PBRM1: variants seen among roughly 807,000 people sequenced by gnomAD.
The protein encoded by PBRM1 is polybromo 1, also known as protein polybromo-1.
Under a neutral mutation model 194.5 loss-of-function variants are expected in PBRM1, and 27 were observed. The observed-to-expected ratio is 0.14, with a 90% CI of 0.10 to 0.19. The LOEUF is 0.19. PBRM1 is among the 10% of genes least tolerant of loss of function. The pLI, the probability that PBRM1 is intolerant of heterozygous loss-of-function variation, is 1.00. For missense variants in PBRM1, 1,466 were observed against 2,077.2 expected (o/e 0.71, Z 5.72); for synonymous variants, 655 against 693.2 (o/e 0.94, Z 0.87).
At chr3:52,657,147 A>AG (rs996881143) in intron 5 of PBRM1, among the ~76,000 whole-genome samples, 1 of 152,162 alleles carries the variant, frequency 6.6e-6, no homozygotes, top group African/African-American at 2.4e-5. Flanking sequence ...CTGGGAGAAG[A>AG]GGGGAGTGGA....
intron 22 of PBRM1, among the ~76,000 whole-genome samples, chr3:52,569,456 C>T (rs191239771): frequency 2.0e-4 from 30 of 152,246 alleles, no homozygotes; most frequent in Admixed American, 1.8e-3. Context: ...GTGATCCGCC[C>T]GCCTTGGCTT....
chr3:52,592,771 G>T (rs930669750), intron 17 of PBRM1, among the ~76,000 whole-genome samples: 1 of 152,158 alleles, frequency 6.6e-6, no homozygotes, highest in Non-Finnish European at 1.5e-5. Context: ...ATTTGGCTGT[G>T]AATTCACCTG....
intron 4 of PBRM1, among the ~76,000 whole-genome samples, chr3:52,660,284 T>C (rs1461444377): frequency 6.6e-6 from 1 of 152,202 alleles, no homozygotes; most frequent in East Asian, 1.9e-4. Flanking sequence ...GAAGAAAGCA[T>C]GGGCTGCTTC....
chr3:52,581,611 C>T (rs554019187), intron 20 of PBRM1, among the ~76,000 whole-genome samples: 34 of 151,116 alleles, frequency 2.2e-4, no homozygotes, highest in Non-Finnish European at 4.1e-4. Flanking sequence ...AATACCTTTT[C>T]CTTTAAGGAA....
At chr3:52,674,547 C>T (rs1038121117) in intron 2 of PBRM1, among the ~76,000 whole-genome samples, 3 of 138,994 alleles carry the variant, frequency 2.2e-5, no homozygotes, top group African/African-American at 5.4e-5. Flanking sequence ...CCTAGCACTT[C>T]GGGAGGCCAA....
In PBRM1 at chr3:52,609,927, T is replaced by C; in HGVS notation, c.1953A>G (p.Lys651=). Reference sequence around the variant, plus strand: ...GCTGCATTGGAGTCATGTATTTTGATTTTTTAGGAGAAATGCCACTCTTCC... The same window carrying C: ...GCTGCATTGGAGTCATGTATTTTGACTTTTTAGGAGAAATGCCACTCTTCC... The change falls in exon 16 of 30, where the codon AAA becomes AAG. Residue 651 remains lysine (K), a synonymous_variant. Coordinates refer to ENST00000296302, the Ensembl canonical transcript of PBRM1. This position sits in a 1 kb window ranked among gnomAD's most constrained non-coding sequence, Gnocchi z 4.1. 1 of 1,521,876 alleles carries C rather than the reference T, an allele frequency of 6.6e-7. No individual in the cohort carries two copies. The allele number at this position is 1,521,876 out of a possible 1,614,324, so 94.3% of individuals were successfully genotyped here. A position where few individuals can be genotyped will look rare whatever the true frequency, so the allele number is the denominator to read the frequency against.
At chr3:52,567,103 C>G (rs1289024073) in intron 22 of PBRM1, among the ~76,000 whole-genome samples, 1 of 148,894 alleles carries the variant, frequency 6.7e-6, no homozygotes, top group Non-Finnish European at 1.5e-5. Context: ...ATGATGAATT[C>G]TATGACATAT....
chr3:52,589,043 C>T (rs1344668094), intron 18 of PBRM1, 27 bp downstream of exon 20: 1 of 1,564,660 alleles, frequency 6.4e-7, no homozygotes, highest in South Asian at 1.1e-5. Context: ...TCTCACTAAA[C>T]TGTCCTTTGA....
At chr3:52,576,210 T>C (rs369187284) in intron 22 of PBRM1, among the ~76,000 whole-genome samples, 2 of 151,886 alleles carry the variant, frequency 1.3e-5, no homozygotes, top group African/African-American at 4.8e-5. Flanking sequence ...ATGAAAGACA[T>C]GAACAAAAAA....
chr3:52,561,678 G>T, intron 25 of PBRM1, 89 bp downstream of exon 27: 1 of 1,130,490 alleles, frequency 8.8e-7, no homozygotes, highest in Non-Finnish European at 1.3e-6. Flanking sequence ...TGTGCAAGTG[G>T]TAAGAACAAG....
At chr3:52,602,396 T>C (rs1323160007) in intron 17 of PBRM1, among the ~76,000 whole-genome samples, 1 of 152,124 alleles carries the variant, frequency 6.6e-6, no homozygotes, top group African/African-American at 2.4e-5. Context: ...GATCTGTGTA[T>C]AGGTTGGGGG....
intron 20 of PBRM1, among the ~76,000 whole-genome samples, chr3:52,580,552 C>T (rs1378955566): frequency 3.9e-5 from 6 of 152,042 alleles, no homozygotes; most frequent in East Asian, 1.9e-4. Flanking sequence ...TTAGTAGAGA[C>T]GGGGTTTCAC....
rs552535828 is a variant in PBRM1, at chr3:52,625,047, A to T, written c.1541+2226T>A. The T allele has an allele frequency of 2.7e-5, 21 of 763,716 alleles. No individual in the cohort carries two copies. The African/African-American group carries it at 2.8e-4, about 10-fold the overall frequency. 47.3% of individuals were successfully genotyped at this position (763,716 alleles called of 1,614,324 possible). A position where few individuals can be genotyped will look rare whatever the true frequency, so the allele number is the denominator to read the frequency against. ...GTTGAAGAAAAAGATTATTCAGTCC[A>T]AAGTACCAAAGACAATATTTGAAAC... On this transcript the variant is annotated intron_variant, in intron 13 of 29. Transcript: ENST00000296302.
At chr3:52,546,539 T>A, downstream of PBRM1, 1 of 230,202 alleles carries the variant, frequency 4.3e-6, no homozygotes, top group Middle Eastern at 1.3e-3. Flanking sequence ...ATTTAATAAG[T>A]ACAGTAATTA....
At chr3:52,672,884 A>G (rs1427853053) in intron 2 of PBRM1, among the ~76,000 whole-genome samples, 1 of 152,176 alleles carries the variant, frequency 6.6e-6, no homozygotes, top group African/African-American at 2.4e-5. Context: ...TTCCATAGGA[A>G]GTTGTGTGCA....
At chr3:52,553,540 G>A (rs888105259) in intron 27 of PBRM1, among the ~76,000 whole-genome samples, 13 of 148,556 alleles carry the variant, frequency 8.8e-5, no homozygotes, top group African/African-American at 3.2e-4. Context: ...TCAGGCTGGA[G>A]TGCAGTGGTG....
chr3:52,619,149 C>T (rs2095140092), intron 13 of PBRM1, among the ~76,000 whole-genome samples: 1 of 152,204 alleles, frequency 6.6e-6, no homozygotes, highest in South Asian at 2.1e-4. Flanking sequence ...CCACCTTGGC[C>T]TCCCAAAGTG....
intron 16 of PBRM1, among the ~76,000 whole-genome samples, chr3:52,605,608 T>TC (rs1456085126): frequency 6.6e-6 from 1 of 151,548 alleles, no homozygotes; most frequent in East Asian, 1.9e-4. Flanking sequence ...AGTCTCTTTT[T>TC]TTTTTTTTTT....
At chr3:52,664,412 G>GGAAA (rs368132420) in intron 3 of PBRM1, among the ~76,000 whole-genome samples, 2 of 101,182 alleles carry the variant, frequency 2.0e-5, no homozygotes, top group Non-Finnish European at 1.9e-5. Context: ...TGAAAGAACT[G>GGAAA]AAAAAAAAAA....
Sources: gnomAD v4.1 joint callset for allele counts (sites outside exome capture counted in the v4.1 genomes callset) on GRCh38, gnomAD v4.1.1 for gene constraint, Gnocchi (gnomAD v3.1) non-coding constraint, MANE v1.5 for transcripts, NCBI Gene and HGNC (gene_info 2026-07-23, HGNC 2026-07-21) for gene names.